KHDRBS3: variants seen among roughly 807,000 people sequenced by gnomAD.
The protein encoded by KHDRBS3 is KH RNA binding domain containing, signal transduction associated 3.
In KHDRBS3, 23 loss-of-function variants were observed where a neutral mutation model predicts 45.6. The ratio of observed to expected loss-of-function variants is 0.50; its 90% confidence interval spans 0.36 to 0.72. KHDRBS3 has a LOEUF of 0.72. KHDRBS3 is among the 30% of genes least tolerant of loss of function. KHDRBS3 has a pLI of 0.00. For synonymous variants in KHDRBS3, 162 were observed against 156.5 expected, an observed-to-expected ratio of 1.04 and a Z score of -0.26; for missense variants, 352 against 424.8, an observed-to-expected ratio of 0.83 and a Z score of 1.51.
chr8:135,654,907 A>C (rs1439898983), intron 4 of KHDRBS3, among the ~76,000 whole-genome samples: 1 of 152,116 alleles, frequency 6.6e-6, no homozygotes, highest in Non-Finnish European at 1.5e-5. Flanking sequence ...AAGATCTTTT[A>C]TCTCTCTCAG....
intron 6 of KHDRBS3, among the ~76,000 whole-genome samples, chr8:135,601,090 A>G (rs1829191437): frequency 6.6e-6 from 1 of 152,316 alleles, no homozygotes; most frequent in South Asian, 2.1e-4. Flanking sequence ...GAGGCTCTGG[A>G]GATACATGAA....
intron 1 of KHDRBS3, among the ~76,000 whole-genome samples, chr8:135,494,254 T>C (rs1346666543): frequency 6.6e-6 from 1 of 150,880 alleles, no homozygotes; most frequent in Admixed American, 6.6e-5. Context: ...TCGTTATTTT[T>C]TCCTCTTCTG....
At chr8:135,507,496 A>T (rs1445118857) in intron 1 of KHDRBS3, among the ~76,000 whole-genome samples, 2 of 152,228 alleles carry the variant, frequency 1.3e-5, no homozygotes, top group African/African-American at 4.8e-5. Flanking sequence ...TTATGGTCGA[A>T]GGACAAAATG....
intron 1 of KHDRBS3, among the ~76,000 whole-genome samples, chr8:135,520,830 T>C (rs2130650345): frequency 6.6e-6 from 1 of 152,334 alleles, no homozygotes; most frequent in Non-Finnish European, 1.5e-5. Flanking sequence ...CAGTTCTTGG[T>C]TGTAGAAGCC....
chr8:135,497,097 A>T (rs190792177), intron 1 of KHDRBS3, among the ~76,000 whole-genome samples: 3 of 152,222 alleles, frequency 2.0e-5, no homozygotes, highest in African/African-American at 7.2e-5. Context: ...TGTCCTTGGA[A>T]GGAGTAAGAG....
At chr8:135,459,206 C>T (rs929687263) in intron 1 of KHDRBS3, among the ~76,000 whole-genome samples, 2 of 152,142 alleles carry the variant, frequency 1.3e-5, no homozygotes, top group Non-Finnish European at 2.9e-5. Flanking sequence ...AAAACAGTGA[C>T]CTCCAGTTTT....
At chr8:135,542,593 C>A in intron 2 of KHDRBS3, 61 bp from the exon 3 acceptor site, 3 of 1,055,574 alleles carry the variant, frequency 2.8e-6, no homozygotes, top group South Asian at 1.3e-5. Flanking sequence ...TCTTAACATT[C>A]AAGATTAAGA....
chr8:135,552,378 A>G (rs1826649641), intron 4 of KHDRBS3, among the ~76,000 whole-genome samples: 1 of 152,136 alleles, frequency 6.6e-6, no homozygotes, highest in Admixed American at 6.6e-5. Context: ...TACTTCTGCC[A>G]GCTCATAGCT....
chr8:135,626,558 C>G (rs180767935), intron 7 of KHDRBS3, among the ~76,000 whole-genome samples: 34 of 152,230 alleles, frequency 2.2e-4, no homozygotes, highest in African/African-American at 7.2e-4. Context: ...AATCCCAGCA[C>G]TTTGGGAGGC....
intron 2 of KHDRBS3, among the ~76,000 whole-genome samples, chr8:135,524,140 C>T (rs935087139): frequency 1.3e-5 from 2 of 152,046 alleles, no homozygotes; most frequent in Admixed American, 6.6e-5. Flanking sequence ...CCCAGTCTCC[C>T]GAGTAGCTGG....
chr8:135,460,572 T>A (rs78582858), intron 1 of KHDRBS3, among the ~76,000 whole-genome samples: 6,080 of 152,316 alleles, frequency 0.04, 162 homozygotes, highest in African/African-American at 0.072. Flanking sequence ...TACTTCTCAC[T>A]TGCTAACTTC....
At chr8:135,506,156 A>G (rs1257862739) in intron 1 of KHDRBS3, among the ~76,000 whole-genome samples, 1 of 152,164 alleles carries the variant, frequency 6.6e-6, no homozygotes, top group Non-Finnish European at 1.5e-5. Context: ...ATCAAGTCTC[A>G]CCATGCTTTT....
chr8:135,586,364 A>G (rs905294980), intron 6 of KHDRBS3, among the ~76,000 whole-genome samples: 5 of 152,182 alleles, frequency 3.3e-5, no homozygotes, highest in African/African-American at 1.2e-4. Context: ...CCGAGGTTAT[A>G]AATAAAATCT....
Position 135,457,857 on chromosome 8 carries a change from G to C in KHDRBS3, c.-10G>C, listed in dbSNP as rs1024082376. On this transcript the variant is annotated 5_prime_UTR_variant, in exon 1 of 9. Coordinates refer to ENST00000355849, the MANE Select transcript of KHDRBS3 (RefSeq NM_006558.3). The surrounding 1 kb of genome is among the most constrained non-coding windows in gnomAD (Gnocchi z 4.4). ...TGGAGTCCACATCCCGGGCCCGGCG[G>C]CCGGCGAGCATGGAGGAGAAGTACC... 2 of 1,565,056 alleles carry C rather than the reference G, an allele frequency of 1.3e-6. No individual in the cohort carries two copies. The highest frequency in any genetic ancestry group is 8.6e-7 in the Non-Finnish European group (1 of 1,156,876).
chr8:135,649,409 A>G (rs1029996926), downstream of KHDRBS3, among the ~76,000 whole-genome samples: 7 of 152,366 alleles, frequency 4.6e-5, no homozygotes, highest in African/African-American at 7.2e-5. Flanking sequence ...AAGTGATACA[A>G]TCATGTAAAG....
intron 1 of KHDRBS3, among the ~76,000 whole-genome samples, chr8:135,488,777 A>G (rs1822993933): frequency 6.6e-6 from 1 of 152,232 alleles, no homozygotes; most frequent in Admixed American, 6.5e-5. Flanking sequence ...ATTTGAATAC[A>G]ATATGGCATT....
At position 135,581,957 on chromosome 8, in the gene KHDRBS3, A is replaced by C. The variant is rs201184278; in HGVS notation, c.691A>C (p.Thr231Pro). ...GCCAACTCCCAGAGGAGTCCTGTCCACCCGAGGGCCAGTGAGTCGGGGAAG... is the reference window on the plus strand; with the variant it reads ...GCCAACTCCCAGAGGAGTCCTGTCCCCCCGAGGGCCAGTGAGTCGGGGAAG... ...GTPTPRGVLS[T>P]RGPVSRGRGL... The change falls in exon 6 of 9, where the codon ACC becomes CCC. Residue 231 changes from threonine to proline, a missense_variant. By Grantham distance (38) the Thr-to-Pro change is conservative. This residue lies in a region of KHDRBS3 where 212 missense variants were observed against 209.6 expected (regional missense o/e 1.01). Coordinates refer to ENST00000355849, the MANE Select transcript of KHDRBS3 (RefSeq NM_006558.3). 6.2e-7 allele frequency: 1 copy of C among 1,613,468 alleles called. No individual in the cohort carries two copies. Among genetic ancestry groups the C allele is most frequent in the Non-Finnish European group, 8.5e-7 (1 of 1,179,686 alleles).
intron 1 of KHDRBS3, among the ~76,000 whole-genome samples, chr8:135,510,496 G>A (rs576231696): frequency 6.0e-4 from 92 of 152,164 alleles, no homozygotes; most frequent in African/African-American, 1.9e-3. Flanking sequence ...GTGCAGTGGC[G>A]TAATCTCAGC....
At chr8:135,496,386 T>C (rs919749338) in intron 1 of KHDRBS3, among the ~76,000 whole-genome samples, 1 of 151,762 alleles carries the variant, frequency 6.6e-6, no homozygotes, top group African/African-American at 2.4e-5. Context: ...GCACATGCCA[T>C]GTCACCCGGC....
Sources: gnomAD v4.1 joint callset for allele counts (sites outside exome capture counted in the v4.1 genomes callset) on GRCh38, gnomAD v4.1.1 for gene constraint, gnomAD v4.1.1 regional missense constraint, Gnocchi (gnomAD v3.1) non-coding constraint, MANE v1.5 for transcripts, NCBI Gene and HGNC (gene_info 2026-07-23, HGNC 2026-07-21) for gene names.